The following GJC1 variants were observed in gnomAD, a reference collection of about 807,000 sequenced individuals.
GJC1 encodes gap junction gamma-1 protein.
A neutral mutation model predicts 29.3 loss-of-function variants in GJC1; 5 were observed. That is an observed-to-expected ratio of 0.17 (90% CI 0.09 to 0.36). The LOEUF is 0.36. Ranked by LOEUF, GJC1 falls within the 10% of genes least tolerant of loss-of-function variation. The probability of loss-of-function intolerance (pLI) is 1.00; values close to 1 mark genes in which losing one functional copy is unlikely to be tolerated. For synonymous variants in GJC1, 177 were observed against 183.3 expected (o/e 0.97, Z 0.28); for missense variants, 310 against 496.2 (o/e 0.62, Z 3.56).
At chr17:44,796,852 G>T (rs531153244), downstream of GJC1, among the ~76,000 whole-genome samples, 4 of 151,636 alleles carry the variant, frequency 2.6e-5, no homozygotes, top group Admixed American at 2.0e-4. Flanking sequence ...TATATATAGA[G>T]AGACAGACAG....
rs568048391 is a variant in GJC1, at chr17:44,807,147, A to T, written c.-21+247T>A. Among the ~76,000 whole-genome samples, 22 of 152,362 alleles carry T rather than the reference A, an allele frequency of 1.4e-4. 1 individual carries two copies. In the South Asian group the frequency reaches 4.6e-3, roughly 32 times the overall value. On this transcript the variant is annotated intron_variant, in intron 2 of 2. Coordinates refer to ENST00000592524, the MANE Select transcript of GJC1 (RefSeq NM_005497.4). Reference sequence around the variant, plus strand: ...GATTGCTAAACTGAACTGTGAGGACATTAAATCCAATCAACAGCAAATCCA... The same window carrying T: ...GATTGCTAAACTGAACTGTGAGGACTTTAAATCCAATCAACAGCAAATCCA...
intron 1 of GJC1, among the ~76,000 whole-genome samples, chr17:44,820,608 T>C (rs914381421): frequency 6.6e-6 from 1 of 152,168 alleles, no homozygotes; most frequent in Non-Finnish European, 1.5e-5. Context: ...TTCAGAAAAT[T>C]TGCGGTTGGA....
At chr17:44,797,021 C>G (rs773734881), downstream of GJC1, among the ~76,000 whole-genome samples, 2 of 151,846 alleles carry the variant, frequency 1.3e-5, no homozygotes, top group African/African-American at 2.4e-5. Context: ...TAATTTTTTG[C>G]TTATTTTTTG....
intron 1 of GJC1, among the ~76,000 whole-genome samples, chr17:44,822,196 CAAA>C (rs59152296): frequency 0.056 from 2,653 of 47,618 alleles, 37 homozygotes; most frequent in Admixed American, 0.15. Context: ...GACTCCGTCT[CAAA>C]AAAAAAAAAA....
intron 1 of GJC1, among the ~76,000 whole-genome samples, chr17:44,809,912 G>GC (rs1483717308): frequency 4.0e-5 from 6 of 148,354 alleles, no homozygotes. Flanking sequence ...AAGCTGGAGT[G>GC]CAGTGGCATG....
At chr17:44,816,988 A>T (rs1357461913) in intron 1 of GJC1, among the ~76,000 whole-genome samples, 3 of 151,888 alleles carry the variant, frequency 2.0e-5, no homozygotes, top group Non-Finnish European at 2.9e-5. Flanking sequence ...AGGCGGGCGG[A>T]TCACCTGAAG....
At chr17:44,824,952 G>A (rs1326251180) in intron 1 of GJC1, among the ~76,000 whole-genome samples, 1 of 148,664 alleles carries the variant, frequency 6.7e-6, no homozygotes, top group Non-Finnish European at 1.5e-5. Flanking sequence ...CAGGTGCCTT[G>A]GCCTGTAATC....
At chr17:44,811,859 C>A (rs749606479) in intron 1 of GJC1, among the ~76,000 whole-genome samples, 4 of 151,830 alleles carry the variant, frequency 2.6e-5, no homozygotes, top group Non-Finnish European at 5.9e-5. Flanking sequence ...CAAAATTAGC[C>A]GGGCATGGTG....
chr17:44,796,241 T>TC (rs570955586), downstream of GJC1, among the ~76,000 whole-genome samples: 18 of 152,108 alleles, frequency 1.2e-4, no homozygotes, highest in South Asian at 3.7e-3. Flanking sequence ...GCACTTCCCT[T>TC]CCCCCCTTCC....
At chr17:44,812,693 G>A (rs1486928366) in intron 1 of GJC1, among the ~76,000 whole-genome samples, 1 of 151,708 alleles carries the variant, frequency 6.6e-6, no homozygotes, top group East Asian at 1.9e-4. Flanking sequence ...TGTCGCCCAG[G>A]CTGGAGTGCA....
At position 44,804,791 on chromosome 17, in the gene GJC1, T is replaced by C. The variant is rs77039711; in HGVS notation, c.1027A>G (p.Arg343Gly). ...ADLEALQREIRMAQERLDLAV... is the reference protein window; with the variant it reads ...ADLEALQREIGMAQERLDLAV... The stretch of plus-strand genomic sequence containing the variant: ...AGATCCAAGCGTTCCTGAGCCATCC[T>C]GATCTCCCGCTGCAGAGCCTCCAGG... The change falls in exon 3 of 3, where the codon AGG (arginine) becomes GGG (glycine). Residue 343 changes from arginine (R) to glycine (G), a missense_variant. This residue lies in a region of GJC1 where 146 missense variants were observed against 165.0 expected (regional missense o/e 0.88). Transcript: ENST00000592524. The C allele has an allele frequency of 1.9e-6, 3 of 1,614,218 alleles. No homozygotes were observed. Among genetic ancestry groups the C allele is most frequent in the Non-Finnish European group, 2.5e-6 (3 of 1,180,028 alleles).
intron 1 of GJC1, among the ~76,000 whole-genome samples, chr17:44,822,977 A>G (rs368384913): frequency 1.3e-5 from 2 of 152,202 alleles, no homozygotes; most frequent in Non-Finnish European, 2.9e-5. Context: ...TCCAAGTCCA[A>G]GAATGACTCA....
At chr17:44,813,801 C>A (rs927032643) in intron 1 of GJC1, among the ~76,000 whole-genome samples, 2 of 151,502 alleles carry the variant, frequency 1.3e-5, no homozygotes, top group Non-Finnish European at 2.9e-5. Context: ...CCACAAGTTA[C>A]CCATTCTTAC....
At chr17:44,814,438 C>A (rs1014770425) in intron 1 of GJC1, among the ~76,000 whole-genome samples, 1 of 152,132 alleles carries the variant, frequency 6.6e-6, no homozygotes, top group African/African-American at 2.4e-5. Flanking sequence ...CCACACCCAG[C>A]CCTGAACATT....
intron 1 of GJC1, among the ~76,000 whole-genome samples, chr17:44,826,557 T>C (rs1252499166): frequency 6.6e-6 from 1 of 151,636 alleles, no homozygotes; most frequent in African/African-American, 2.4e-5. Context: ...TAAAATGCTA[T>C]CTGCAAAGAG....
intron 1 of GJC1, among the ~76,000 whole-genome samples, chr17:44,828,993 T>C (rs2050202753): frequency 6.6e-6 from 1 of 151,568 alleles, no homozygotes; most frequent in Non-Finnish European, 1.5e-5. Flanking sequence ...CTTTCACATA[T>C]ATTCACTTGA....
downstream of GJC1, chr17:44,794,602 A>G (rs758376448): frequency 1.3e-5 from 2 of 152,250 alleles, no homozygotes; most frequent in Non-Finnish European, 2.9e-5. Flanking sequence ...CAAAGATAAA[A>G]TTACACTTCC....
At chr17:44,821,002 T>G (rs997039841) in intron 1 of GJC1, among the ~76,000 whole-genome samples, 1 of 152,242 alleles carries the variant, frequency 6.6e-6, no homozygotes, top group Non-Finnish European at 1.5e-5. Context: ...ATATAATTTG[T>G]GGCGAATCAA....
In GJC1 at chr17:44,804,927, A is replaced by T. The variant is rs772459403; in HGVS notation, c.891T>A (p.Asp297Glu). 2 of 1,614,114 alleles carry T rather than the reference A, an allele frequency of 1.2e-6. No individual in the cohort carries two copies. Among genetic ancestry groups the T allele is most frequent in the Non-Finnish European group, 1.7e-6 (2 of 1,180,026 alleles). Reference protein sequence around the residue: ...PPGYNIAVKPDQIQYTELSNA... With the variant: ...PPGYNIAVKPEQIQYTELSNA... ...TGGACAGTTCGGTGTACTGGATTTG[A>T]TCTGGTTTGACAGCAATGTTATAGC... The change falls in exon 3 of 3, where the codon GAT becomes GAA. Residue 297 changes from aspartate to glutamate, a missense_variant. This residue lies in a region of GJC1 where 146 missense variants were observed against 165.0 expected (regional missense o/e 0.88). Coordinates refer to ENST00000592524, the MANE Select transcript of GJC1 (RefSeq NM_005497.4).
Sources: gnomAD v4.1 joint callset for allele counts (sites outside exome capture counted in the v4.1 genomes callset) on GRCh38, gnomAD v4.1.1 for gene constraint, gnomAD v4.1.1 regional missense constraint, MANE v1.5 for transcripts, NCBI Gene and HGNC (gene_info 2026-07-23, HGNC 2026-07-21) for gene names.